The following MED13L variants were observed in gnomAD, a reference collection of about 807,000 sequenced individuals.
The protein encoded by MED13L is mediator complex subunit 13L, also known as mediator of RNA polymerase II transcription subunit 13-like.
In MED13L, 7 loss-of-function variants were observed where a neutral mutation model predicts 220.9. The ratio of observed to expected loss-of-function variants is 0.03; its 90% CI spans 0.02 to 0.06. MED13L has a LOEUF of 0.06. Among genes scored for constraint, MED13L ranks in the 10% least tolerant of loss-of-function variants. MED13L has a pLI of 1.00. For synonymous variants in MED13L, 1,011 were observed against 1,015.2 expected, an observed-to-expected ratio of 1.00 and a Z score of 0.08; for missense variants, 1,965 against 2,760.5, an observed-to-expected ratio of 0.71 and a Z score of 6.46.
chr12:116,042,303 T>C (rs1032071914), intron 4 of MED13L, among the ~76,000 whole-genome samples: 1 of 152,134 alleles, frequency 6.6e-6, no homozygotes, highest in African/African-American at 2.4e-5. Context: ...TCCCTGAAAG[T>C]GTAATGAAGG....
At chr12:116,195,089 T>C (rs146433167) in intron 2 of MED13L, among the ~76,000 whole-genome samples, 18 of 152,244 alleles carry the variant, frequency 1.2e-4, no homozygotes, top group African/African-American at 4.3e-4. Context: ...TGGGGGTAAG[T>C]AAGCTGTGTG....
chr12:116,085,065 A>G (rs948493311), intron 4 of MED13L, among the ~76,000 whole-genome samples: 11 of 152,202 alleles, frequency 7.2e-5, no homozygotes, highest in Admixed American at 5.2e-4. Flanking sequence ...TCAAGAGTAC[A>G]TAATTATCCC....
rs1161997076 is a variant in MED13L, at chr12:116,024,776, G to C, written c.480-2175C>G. Reference sequence around the variant, plus strand: ...TTCATGCTTTTTTTTGGCGGGGCGGGGGGGGGGGGGAGGTGATCTTGTTTT... The same window carrying C: ...TTCATGCTTTTTTTTGGCGGGGCGGCGGGGGGGGGGAGGTGATCTTGTTTT... On this transcript the variant is annotated intron_variant, in intron 4 of 30. Transcript: ENST00000281928. Among the ~76,000 whole-genome samples, 56 of 98,282 alleles carry C rather than the reference G, an allele frequency of 5.7e-4. 3 individuals carry two copies. The highest frequency in any genetic ancestry group is 1.0e-3 in the African/African-American group (27 of 26,226). The allele number at this position is 98,282 out of a possible 152,430, so 64.5% of individuals were successfully genotyped here.
intron 4 of MED13L, among the ~76,000 whole-genome samples, chr12:116,057,052 C>T (rs1417330507): frequency 6.6e-6 from 1 of 152,206 alleles, no homozygotes; most frequent in Admixed American, 6.5e-5. Context: ...GTCTCTTTCT[C>T]TCATAAGATT....
intron 2 of MED13L, among the ~76,000 whole-genome samples, chr12:116,145,685 A>ATTTGTTTG (rs1450799115): frequency 7.4e-6 from 1 of 135,250 alleles, no homozygotes; most frequent in Non-Finnish European, 1.5e-5. Flanking sequence ...TTATTTATTT[A>ATTTGTTTG]TTTATTTATT....
Position 116,015,292 on chromosome 12 carries a change from T to C in MED13L, c.1010-18A>G, listed in dbSNP as rs1879660682. 1 of 1,613,522 alleles carries C rather than the reference T, an allele frequency of 6.2e-7. No homozygotes were observed. The highest frequency in any genetic ancestry group is 8.5e-7 in the Non-Finnish European group (1 of 1,179,556). ...ACTCTCACCTGAAAAAAAAGGCAAT[T>C]TGGAATGTTAGGATTTTCTGAAAAG... On this transcript the variant is annotated intron_variant, in intron 7 of 30. Coordinates refer to ENST00000281928, the MANE Select transcript of MED13L (RefSeq NM_015335.5).
At chr12:115,969,564 C>T (rs149120888) in intron 27 of MED13L, among the ~76,000 whole-genome samples, 188 of 151,744 alleles carry the variant, frequency 1.2e-3, no homozygotes, top group Admixed American at 3.6e-3. Context: ...CAAATCAAAG[C>T]ACAATGTTTT....
At chr12:116,092,898 AAATT>A (rs1384679664) in intron 4 of MED13L, among the ~76,000 whole-genome samples, 1 of 152,192 alleles carries the variant, frequency 6.6e-6, no homozygotes, top group Non-Finnish European at 1.5e-5. Context: ...CAGTGACAGC[AAATT>A]AACCCAGAAA....
chr12:116,207,092 C>A (rs1323612731), intron 2 of MED13L, among the ~76,000 whole-genome samples: 6 of 151,390 alleles, frequency 4.0e-5, no homozygotes, highest in African/African-American at 1.5e-4. Context: ...ACGTTTCAGT[C>A]AACAGATGGA....
chr12:116,146,580 A>C (rs1877533904), intron 2 of MED13L, among the ~76,000 whole-genome samples: 1 of 151,992 alleles, frequency 6.6e-6, no homozygotes, highest in Admixed American at 6.6e-5. Flanking sequence ...AAATTCCCTA[A>C]ATAGCCAACC....
At chr12:116,116,103 C>T (rs1319990320) in intron 2 of MED13L, among the ~76,000 whole-genome samples, 1 of 152,058 alleles carries the variant, frequency 6.6e-6, no homozygotes, top group African/African-American at 2.4e-5. Flanking sequence ...GTCTAGAGGG[C>T]TAAGAATGGT....
intron 1 of MED13L, among the ~76,000 whole-genome samples, chr12:116,266,564 C>T (rs1282252058): frequency 2.6e-5 from 4 of 152,152 alleles, no homozygotes; most frequent in Non-Finnish European, 4.4e-5. Flanking sequence ...CTCCTGACAC[C>T]CTACATGAGA....
intron 1 of MED13L, among the ~76,000 whole-genome samples, chr12:116,250,933 G>A (rs1195811502): frequency 6.6e-6 from 1 of 151,730 alleles, no homozygotes; most frequent in Non-Finnish European, 1.5e-5. Context: ...AAGGCCAGAA[G>A]GAGAAAATGG....
chr12:116,202,473 AATATAACACTGTATCT>A (rs1259623539), intron 2 of MED13L, among the ~76,000 whole-genome samples: 1 of 152,174 alleles, frequency 6.6e-6, no homozygotes, highest in Non-Finnish European at 1.5e-5. Context: ...CAACTTGAGA[AATATAACACTGTATCT>A]ACTCAAATAT....
intron 2 of MED13L, among the ~76,000 whole-genome samples, chr12:116,185,694 TTTTCTTTTCTTTTCTTTTCG>T (rs781063404): frequency 1.3e-5 from 1 of 78,566 alleles, no homozygotes; most frequent in African/African-American, 5.6e-5. Flanking sequence ...TTTTCTTTTC[TTTTCTTTTCTTTTCTTTTCG>T]AGATAAGAGT....
At position 116,157,365 on chromosome 12, in the gene MED13L, C is replaced by T. The variant is rs116952358; in HGVS notation, c.311-45853G>A. Among the ~76,000 whole-genome samples, 1,221 of 152,278 alleles carry T rather than the reference C, an allele frequency of 8.0e-3. 12 individuals are homozygous for T. The highest frequency in any genetic ancestry group is 0.034 in the Middle Eastern group (10 of 294). ...AGGACAGGGACCATGTCTATCTTCA[C>T]AGCTGTATCCCCAGCACCAGCACAG... On this transcript the variant is annotated intron_variant, in intron 2 of 30. Coordinates refer to ENST00000281928, the MANE Select transcript of MED13L (RefSeq NM_015335.5).
At chr12:116,177,682 C>T (rs1176416180) in intron 2 of MED13L, among the ~76,000 whole-genome samples, 1 of 151,996 alleles carries the variant, frequency 6.6e-6, no homozygotes, top group Admixed American at 6.6e-5. Context: ...TGATTATCTA[C>T]CTGAATAGCT....
chr12:116,187,857 CT>C (rs1880996774), intron 2 of MED13L, among the ~76,000 whole-genome samples: 1 of 149,662 alleles, frequency 6.7e-6, no homozygotes, highest in African/African-American at 2.5e-5. Flanking sequence ...GAGGGTACTG[CT>C]TTTTTTCTTT....
intron 4 of MED13L, among the ~76,000 whole-genome samples, chr12:116,044,940 C>A (rs1387317982): frequency 3.9e-5 from 6 of 152,180 alleles, no homozygotes; most frequent in Admixed American, 6.5e-5. Context: ...TGGATCCATT[C>A]ATACTCCTCT....
Sources: gnomAD v4.1 joint callset for allele counts (sites outside exome capture counted in the v4.1 genomes callset) on GRCh38, gnomAD v4.1.1 for gene constraint, MANE v1.5 for transcripts, NCBI Gene and HGNC (gene_info 2026-07-23, HGNC 2026-07-21) for gene names.